The following HOMER1 variants were observed in gnomAD, a reference collection of about 807,000 sequenced individuals.
HOMER1 encodes homer scaffold protein 1, also known as homer protein homolog 1.
A neutral mutation model predicts 48.9 loss-of-function variants in HOMER1; 3 were observed. The observed-to-expected ratio is 0.06, with a 90% CI of 0.03 to 0.16. HOMER1 has a LOEUF of 0.16. Ranked by LOEUF, HOMER1 falls within the 10% of genes least tolerant of loss-of-function variation. The pLI, the probability that HOMER1 is intolerant of heterozygous loss-of-function variation, is 1.00. For synonymous variants in HOMER1, 134 were observed against 146.4 expected, an observed-to-expected ratio of 0.92 and a Z score of 0.61; for missense variants, 247 against 411.4, an observed-to-expected ratio of 0.60 and a Z score of 3.46.
chr5:79,453,619 C>T (rs1751087054), intron 2 of HOMER1, among the ~76,000 whole-genome samples: 1 of 152,036 alleles, frequency 6.6e-6, no homozygotes, highest in South Asian at 2.1e-4. Context: ...GAGTTCTAGT[C>T]CTTTTAAGGA....
At chr5:79,503,534 G>GAAAA (rs751672080) in intron 1 of HOMER1, among the ~76,000 whole-genome samples, 2 of 17,338 alleles carry the variant, frequency 1.2e-4, no homozygotes, top group Non-Finnish European at 1.9e-4. Flanking sequence ...GTCACAAAGA[G>GAAAA]AAAAAAAAAA....
chr5:79,505,556 T>C (rs751475192), intron 1 of HOMER1, among the ~76,000 whole-genome samples: 6 of 152,190 alleles, frequency 3.9e-5, no homozygotes, highest in Non-Finnish European at 7.3e-5. Flanking sequence ...GAGGACATGG[T>C]GCCAACACTT....
chr5:79,480,684 C>A (rs1462403254), intron 1 of HOMER1, among the ~76,000 whole-genome samples: 4 of 152,078 alleles, frequency 2.6e-5, no homozygotes, highest in Non-Finnish European at 2.9e-5. Context: ...TAGGCCAGGC[C>A]CTTCTAAAAT....
chr5:79,454,141 C>T (rs1356356733), intron 2 of HOMER1, among the ~76,000 whole-genome samples: 2 of 152,106 alleles, frequency 1.3e-5, no homozygotes, highest in African/African-American at 2.4e-5. Context: ...GTGGGAAGAA[C>T]ACATGAGGAT....
chr5:79,376,952 C>T (rs187658689), intron 8 of HOMER1, among the ~76,000 whole-genome samples: 1 of 152,204 alleles, frequency 6.6e-6, no homozygotes, highest in East Asian at 1.9e-4. Flanking sequence ...GTTATTACTG[C>T]TTTTGTTTTT....
chr5:79,480,681 G>C (rs892608081), intron 1 of HOMER1, among the ~76,000 whole-genome samples: 1 of 152,058 alleles, frequency 6.6e-6, no homozygotes, highest in Non-Finnish European at 1.5e-5. Context: ...GATTAGGCCA[G>C]GCCCTTCTAA....
At chr5:79,481,509 G>C (rs1211757285) in intron 1 of HOMER1, among the ~76,000 whole-genome samples, 1 of 152,220 alleles carries the variant, frequency 6.6e-6, no homozygotes, top group African/African-American at 2.4e-5. Flanking sequence ...AAGGCAGCTA[G>C]AATTTGCAGG....
intron 8 of HOMER1, among the ~76,000 whole-genome samples, chr5:79,378,243 G>GAAAAAAAAAAAAAAAAAAAAAAAAAAAA (rs1748830853): frequency 8.4e-6 from 1 of 119,026 alleles, no homozygotes; most frequent in African/African-American, 3.9e-5. Flanking sequence ...AAAAAAAAAG[G>GAAAAAAAAAAAAAAAAAAAAAAAAAAAA]AAATTGGCTC....
intron 1 of HOMER1, among the ~76,000 whole-genome samples, chr5:79,497,145 G>C (rs1444668012): frequency 6.6e-6 from 1 of 150,528 alleles, no homozygotes; most frequent in East Asian, 2.0e-4. Flanking sequence ...AGGATATCTA[G>C]ACAGAATAAC....
chr5:79,477,466 A>T (rs1007793444), intron 1 of HOMER1, among the ~76,000 whole-genome samples: 1 of 152,166 alleles, frequency 6.6e-6, no homozygotes, highest in Non-Finnish European at 1.5e-5. Flanking sequence ...TTCCTCCACT[A>T]TCCCTTCTGT....
chr5:79,417,419 G>A (rs1027360922), intron 5 of HOMER1, among the ~76,000 whole-genome samples: 3 of 152,168 alleles, frequency 2.0e-5, no homozygotes, highest in Admixed American at 2.0e-4. Flanking sequence ...TGGGATTATA[G>A]GCGTGAGCCA....
At chr5:79,378,922 A>G (rs1748849483) in intron 8 of HOMER1, among the ~76,000 whole-genome samples, 1 of 150,978 alleles carries the variant, frequency 6.6e-6, no homozygotes, top group Admixed American at 6.7e-5. Flanking sequence ...TACTAGTTAG[A>G]TAACAAAAAG....
intron 1 of HOMER1, among the ~76,000 whole-genome samples, chr5:79,479,632 A>T (rs1192110129): frequency 6.6e-6 from 1 of 152,188 alleles, no homozygotes; most frequent in Non-Finnish European, 1.5e-5. Flanking sequence ...CAGCCCAGTT[A>T]AACTGCTTTC....
In HOMER1 at chr5:79,494,435, A is replaced by G. The variant is rs148533582; in HGVS notation, c.5+18335T>C. Among the ~76,000 whole-genome samples the G allele has an allele frequency of 5.6e-3, 848 of 152,260 alleles. 7 individuals are homozygous for G. The highest frequency in any genetic ancestry group is 9.1e-3 in the Non-Finnish European group (621 of 68,018). ...TGACCAAGGCAATCTCTTTTACCTCATAATATCTATCTAGATCACTGTCAA... is the reference window on the plus strand; with the variant it reads ...TGACCAAGGCAATCTCTTTTACCTCGTAATATCTATCTAGATCACTGTCAA... On this transcript the variant is annotated intron_variant, in intron 1 of 8. Coordinates refer to ENST00000334082, the MANE Select transcript of HOMER1 (RefSeq NM_004272.5).
At chr5:79,433,796 GGA>G (rs1448940541) in intron 5 of HOMER1, among the ~76,000 whole-genome samples, 1 of 152,082 alleles carries the variant, frequency 6.6e-6, no homozygotes. Context: ...AAATACAGAT[GGA>G]GTAAACCCAT....
At chr5:79,460,362 A>G (rs919004641) in intron 1 of HOMER1, among the ~76,000 whole-genome samples, 6 of 152,182 alleles carry the variant, frequency 3.9e-5, no homozygotes, top group African/African-American at 1.4e-4. Flanking sequence ...TGGGAGGCAG[A>G]GGTTGCAGTA....
intron 1 of HOMER1, among the ~76,000 whole-genome samples, chr5:79,494,596 C>T (rs777537394): frequency 3.3e-5 from 5 of 152,180 alleles, no homozygotes; most frequent in African/African-American, 4.8e-5. Context: ...CAGCTGGGTG[C>T]GGTGGCTCAT....
chr5:79,382,058 G>GA (rs1207823195), intron 8 of HOMER1, among the ~76,000 whole-genome samples: 8 of 151,824 alleles, frequency 5.3e-5, no homozygotes, highest in African/African-American at 1.7e-4. Flanking sequence ...AGATCAAACA[G>GA]AAAAAATAAT....
chr5:79,376,232 A>C (rs1748769735), intron 8 of HOMER1, 35 bp from the exon 9 acceptor site: 1 of 1,466,544 alleles, frequency 6.8e-7, no homozygotes, highest in Non-Finnish European at 9.4e-7. Flanking sequence ...TATATATGTC[A>C]ATTCATCACT....
Sources: allele counts gnomAD v4.1 joint callset (sites outside exome capture counted in the v4.1 genomes callset), GRCh38; gene constraint gnomAD v4.1.1; transcripts MANE v1.5; gene names NCBI Gene and HGNC (gene_info 2026-07-23, HGNC 2026-07-21).